Variants in NDUFS4 observed in about 807,000 individuals in gnomAD.
NDUFS4 encodes the protein NADH dehydrogenase [ubiquinone] iron-sulfur protein 4, mitochondrial.
A neutral mutation model predicts 24.3 loss-of-function variants in NDUFS4; 28 were observed. The observed-to-expected ratio is 1.15, with a 90% CI of 0.85 to 1.58. The LOEUF is 1.58. Ranked by LOEUF, NDUFS4 falls within the 40% of genes most tolerant of loss-of-function variation. NDUFS4 has a pLI of 0.00. For missense variants in NDUFS4, 223 were observed against 207.9 expected (o/e 1.07, Z -0.45); for synonymous variants, 93 against 69.7 (o/e 1.34, Z -1.67).
intron 4 of NDUFS4, among the ~76,000 whole-genome samples, chr5:53,663,516 C>T (rs1752411391): frequency 6.6e-6 from 1 of 152,140 alleles, no homozygotes; most frequent in African/African-American, 2.4e-5. Context: ...CTGGGTGCTC[C>T]TGTATTGGGT....
At chr5:53,681,536 G>A (rs1740665543) in intron 4 of NDUFS4, among the ~76,000 whole-genome samples, 1 of 152,094 alleles carries the variant, frequency 6.6e-6, no homozygotes, top group Non-Finnish European at 1.5e-5. Flanking sequence ...ACTTGTTAAT[G>A]TACGTACTTT....
intron 2 of NDUFS4, among the ~76,000 whole-genome samples, chr5:53,635,019 A>T (rs1751508609): frequency 1.3e-5 from 2 of 151,868 alleles, no homozygotes; most frequent in East Asian, 1.9e-4. Flanking sequence ...GTGAAACCCC[A>T]TCACTACTAA....
chr5:53,654,358 T>C (rs1321596998), intron 3 of NDUFS4, among the ~76,000 whole-genome samples: 1 of 152,134 alleles, frequency 6.6e-6, no homozygotes, highest in Non-Finnish European at 1.5e-5. Context: ...TTAACATTTT[T>C]GCATCCACCC....
intron 1 of NDUFS4, among the ~76,000 whole-genome samples, chr5:53,578,282 G>A (rs1299498593): frequency 6.6e-6 from 1 of 152,142 alleles, no homozygotes; most frequent in Non-Finnish European, 1.5e-5. Context: ...TAAGGCTCAA[G>A]TTTTTATTTT....
rs1002155548 is a variant in NDUFS4 at position 53,592,247 on chromosome 5, C to T, written c.99-11205C>T. Among the ~76,000 whole-genome samples the T allele has an allele frequency of 5.3e-5, 8 of 152,150 alleles. No individual in the cohort carries two copies. The East Asian group carries it at 5.8e-4, about 11-fold the overall frequency. ...GATTACAGGTGTGAGCCGCTGCGCC[C>T]GGCATTGTTGAGTTTTAAGAGTTCT... On this transcript the variant is annotated intron_variant, in intron 1 of 4. Transcript: ENST00000296684.
intron 1 of NDUFS4, among the ~76,000 whole-genome samples, chr5:53,565,345 A>G (rs1748984361): frequency 6.6e-6 from 1 of 152,226 alleles, no homozygotes; most frequent in Non-Finnish European, 1.5e-5. Flanking sequence ...TTTTATATAC[A>G]CTCATATTTG....
At chr5:53,680,825 C>T (rs1181405893) in intron 4 of NDUFS4, among the ~76,000 whole-genome samples, 1 of 152,000 alleles carries the variant, frequency 6.6e-6, no homozygotes, top group Non-Finnish European at 1.5e-5. Flanking sequence ...TGCACATGTA[C>T]CCTAAAACTT....
At chr5:53,623,026 C>T (rs745541926) in intron 2 of NDUFS4, among the ~76,000 whole-genome samples, 10 of 152,136 alleles carry the variant, frequency 6.6e-5, no homozygotes, top group Admixed American at 3.3e-4. Context: ...ATCCTTCTGT[C>T]GTCGAACATT....
intron 2 of NDUFS4, among the ~76,000 whole-genome samples, chr5:53,607,191 G>T (rs1252574986): frequency 6.6e-6 from 1 of 152,150 alleles, no homozygotes; most frequent in Non-Finnish European, 1.5e-5. Flanking sequence ...AAATGAACCT[G>T]TCACTTCAAG....
At chr5:53,570,778 G>A (rs1028829303) in intron 1 of NDUFS4, among the ~76,000 whole-genome samples, 1 of 149,376 alleles carries the variant, frequency 6.7e-6, no homozygotes, top group Non-Finnish European at 1.5e-5. Flanking sequence ...CCGCCTCCCA[G>A]GTTCAAGTGA....
chr5:53,616,085 A>T (rs1750829220), intron 2 of NDUFS4, among the ~76,000 whole-genome samples: 2 of 151,884 alleles, frequency 1.3e-5, no homozygotes, highest in Admixed American at 1.3e-4. Context: ...GGTTGCTCTG[A>T]GATTAGAAGT....
intron 2 of NDUFS4, among the ~76,000 whole-genome samples, chr5:53,611,846 C>T (rs985970170): frequency 6.6e-6 from 1 of 151,934 alleles, no homozygotes; most frequent in African/African-American, 2.4e-5. Context: ...AACATGTTGT[C>T]TTTTTTATAT....
chr5:53,610,976 T>G (rs1368704627), intron 2 of NDUFS4, among the ~76,000 whole-genome samples: 1 of 152,168 alleles, frequency 6.6e-6, no homozygotes, highest in East Asian at 1.9e-4. Context: ...AGATTCTCTC[T>G]TTTGTGTGCT....
chr5:53,657,083 T>C (rs1433821226), intron 3 of NDUFS4, among the ~76,000 whole-genome samples: 4 of 152,196 alleles, frequency 2.6e-5, no homozygotes, highest in Non-Finnish European at 5.9e-5. Context: ...GGCTATACCA[T>C]CTTTGCAGGA....
intron 3 of NDUFS4, among the ~76,000 whole-genome samples, chr5:53,654,831 T>C (rs1294659724): frequency 6.6e-6 from 1 of 152,210 alleles, no homozygotes; most frequent in East Asian, 1.9e-4. Context: ...TGCTAATTTT[T>C]ACATTGTATT....
chr5:53,664,335 C>G (rs981385064), intron 4 of NDUFS4, among the ~76,000 whole-genome samples: 42 of 152,112 alleles, frequency 2.8e-4, no homozygotes, highest in African/African-American at 9.7e-4. Flanking sequence ...TGAGGAGTAT[C>G]TTTGTGGCGT....
chr5:53,660,306 A>T (rs532372019), intron 4 of NDUFS4, among the ~76,000 whole-genome samples: 56 of 152,090 alleles, frequency 3.7e-4, no homozygotes, highest in Admixed American at 6.6e-4. Flanking sequence ...AGCTTCATCC[A>T]TGTCCCTACA....
rs1035418380 is a variant in NDUFS4 at position 53,658,353 on chromosome 5, A to G, written c.351-198A>G. On this transcript the variant is annotated intron_variant, in intron 3 of 4. Coordinates refer to ENST00000296684, the MANE Select transcript of NDUFS4 (RefSeq NM_002495.4). ...CAATTATGAATTTTATTATTTGACA[A>G]TACATATTAGAAAATCTCCCAAATT... Among the ~76,000 whole-genome samples, 8 of 152,316 alleles carry G rather than the reference A, an allele frequency of 5.3e-5. No individual in the cohort carries two copies. The East Asian group carries it at 1.3e-3, about 26-fold the overall frequency.
chr5:53,658,516 A>G (rs1288810437), intron 3 of NDUFS4, 35 bp from the exon 4 acceptor site: 1 of 1,449,170 alleles, frequency 6.9e-7, no homozygotes, highest in East Asian at 2.3e-5. Flanking sequence ...CTAAAGCTTA[A>G]TGTTAAATCT....
Sources: gnomAD v4.1 joint callset for allele counts (sites outside exome capture counted in the v4.1 genomes callset) on GRCh38, gnomAD v4.1.1 for gene constraint, MANE v1.5 for transcripts, NCBI Gene and HGNC (gene_info 2026-07-23, HGNC 2026-07-21) for gene names.